The following PLCB1 variants were observed in gnomAD, a reference collection of about 807,000 sequenced individuals.
PLCB1 encodes 1-phosphatidylinositol 4,5-bisphosphate phosphodiesterase beta-1.
In PLCB1, 46 loss-of-function variants were observed where a neutral mutation model predicts 161.8. The ratio of observed to expected loss-of-function variants is 0.28; its 90% CI spans 0.22 to 0.36. The LOEUF is 0.36. PLCB1 is among the 10% of genes least tolerant of loss of function. PLCB1 has a pLI of 1.00. For synonymous variants in PLCB1, 517 were observed against 503.7 expected, an observed-to-expected ratio of 1.03 and a Z score of -0.35; for missense variants, 1,016 against 1,472.5, an observed-to-expected ratio of 0.69 and a Z score of 5.07.
intron 31 of PLCB1, among the ~76,000 whole-genome samples, chr20:8,804,407 TGTTA>T (rs1984426246): frequency 2.3e-5 from 3 of 130,430 alleles, no homozygotes; most frequent in Admixed American, 1.7e-4. Context: ...TTAATCATAT[TGTTA>T]GTTTGTTTGG....
chr20:8,728,997 T>G, intron 17 of PLCB1, 53 bp from the exon 18 acceptor site: 1 of 1,300,986 alleles, frequency 7.7e-7, no homozygotes, highest in Non-Finnish European at 1.0e-6. Flanking sequence ...TTAGTTACTA[T>G]TATTGACTAA....
At chr20:8,268,747 T>A (rs1456308863) in intron 2 of PLCB1, among the ~76,000 whole-genome samples, 1 of 152,238 alleles carries the variant, frequency 6.6e-6, no homozygotes, top group Non-Finnish European at 1.5e-5. Context: ...ATGTGTCTGT[T>A]GGCTGCATAA....
At chr20:8,741,861 C>T (rs986164054) in intron 23 of PLCB1, among the ~76,000 whole-genome samples, 4 of 152,200 alleles carry the variant, frequency 2.6e-5, no homozygotes, top group African/African-American at 9.7e-5. Context: ...TGATTCCATG[C>T]TAATTAAAGG....
intron 3 of PLCB1, among the ~76,000 whole-genome samples, chr20:8,407,340 CA>C (rs1049639988): frequency 6.6e-6 from 1 of 152,136 alleles, no homozygotes; most frequent in Admixed American, 6.5e-5. Context: ...GTAACTTTCT[CA>C]GTGGAGAAAC....
chr20:8,640,162 C>T (rs1387641082), intron 4 of PLCB1, among the ~76,000 whole-genome samples: 4 of 152,146 alleles, frequency 2.6e-5, no homozygotes, highest in Non-Finnish European at 4.4e-5. Context: ...TATATTTCAG[C>T]AGAATTCTGT....
At chr20:8,791,468 A>C (rs1033166209) in intron 31 of PLCB1, among the ~76,000 whole-genome samples, 1 of 152,308 alleles carries the variant, frequency 6.6e-6, no homozygotes, top group Non-Finnish European at 1.5e-5. Context: ...TTTAATAATA[A>C]TCAGTCTCAG....
intron 1 of PLCB1, among the ~76,000 whole-genome samples, chr20:8,147,607 T>A (rs894727883): frequency 6.6e-6 from 1 of 152,184 alleles, no homozygotes; most frequent in African/African-American, 2.4e-5. Flanking sequence ...ATTCATATAT[T>A]TCTGGGTCAG....
chr20:8,385,450 G>A (rs920691824), intron 3 of PLCB1, among the ~76,000 whole-genome samples: 2 of 152,234 alleles, frequency 1.3e-5, no homozygotes, highest in African/African-American at 2.4e-5. Flanking sequence ...AGCTTAGCGT[G>A]ACAGGCAGTT....
chr20:8,163,564 C>A (rs1454673708), intron 2 of PLCB1, among the ~76,000 whole-genome samples: 2 of 152,216 alleles, frequency 1.3e-5, no homozygotes, highest in African/African-American at 2.4e-5. Flanking sequence ...CATTCACGAA[C>A]AGTTCTTGCT....
Position 8,134,851 on chromosome 20 carries a change from G to A in PLCB1, c.99+2101G>A, listed in dbSNP as rs115070037. On this transcript the variant is annotated intron_variant, in intron 1 of 31. Transcript: ENST00000338037. ...ATAGTCACTAAGGAGAAGACCAGAA[G>A]AATTTCAGGTCTTTTTTAAAAAAAA... 4.3e-3 allele frequency among the ~76,000 whole-genome samples: 637 copies of A among 148,988 alleles called. 7 individuals are homozygous for A. Among genetic ancestry groups the A allele is most frequent in the African/African-American group, 0.015 (600 of 40,478 alleles).
intron 3 of PLCB1, among the ~76,000 whole-genome samples, chr20:8,615,422 T>A (rs1442616865): frequency 1.3e-5 from 2 of 152,160 alleles, no homozygotes; most frequent in African/African-American, 4.8e-5. Flanking sequence ...TCACAAAACA[T>A]AATAGCTTTA....
chr20:8,827,787 C>T (rs4816091), intron 31 of PLCB1, among the ~76,000 whole-genome samples: 46,689 of 152,124 alleles, frequency 0.31, 8,186 homozygotes, highest in East Asian at 0.61. Context: ...AATAATCAAA[C>T]GAAGAAGAAT....
chr20:8,677,679 G>A (rs1990119041), intron 9 of PLCB1, among the ~76,000 whole-genome samples: 1 of 151,986 alleles, frequency 6.6e-6, no homozygotes, highest in Non-Finnish European at 1.5e-5. Context: ...GAATCACAAA[G>A]TCTTCAAACC....
intron 7 of PLCB1, among the ~76,000 whole-genome samples, chr20:8,650,632 C>G (rs1429199575): frequency 6.6e-6 from 1 of 152,212 alleles, no homozygotes; most frequent in Non-Finnish European, 1.5e-5. Flanking sequence ...AGAACCCTCG[C>G]AGGCTAAGCC....
chr20:8,212,630 AC>A (rs1978886812), intron 2 of PLCB1, among the ~76,000 whole-genome samples: 1 of 152,146 alleles, frequency 6.6e-6, no homozygotes, highest in Admixed American at 6.6e-5. Context: ...ACGTAGGCAT[AC>A]AAAACGCAAA....
At chr20:8,497,993 T>A (rs1983246342) in intron 3 of PLCB1, among the ~76,000 whole-genome samples, 1 of 152,352 alleles carries the variant, frequency 6.6e-6, no homozygotes, top group African/African-American at 2.4e-5. Context: ...CAAATATCTT[T>A]TTGTTTCTTG....
At chr20:8,719,935 C>T (rs1415268314) in intron 14 of PLCB1, among the ~76,000 whole-genome samples, 2 of 151,946 alleles carry the variant, frequency 1.3e-5, no homozygotes, top group South Asian at 2.1e-4. Context: ...TTTATTGTTT[C>T]GATTAAAATC....
intron 2 of PLCB1, among the ~76,000 whole-genome samples, chr20:8,341,056 C>T (rs1785875925): frequency 6.6e-6 from 1 of 152,174 alleles, no homozygotes; most frequent in Non-Finnish European, 1.5e-5. Flanking sequence ...TTGGGTATCA[C>T]AAGCCTACAT....
rs538500888 is a variant in PLCB1, at chr20:8,475,859, A to G, written c.246+104409A>G. On this transcript the variant is annotated intron_variant, in intron 3 of 31. Coordinates refer to ENST00000338037, the MANE Select transcript of PLCB1 (RefSeq NM_015192.4). ...AGAGTATATGCTATTTTGTATTACT[A>G]TTTCCATAACTTCCAATCATGCACA... Among the ~76,000 whole-genome samples the G allele has an allele frequency of 1.1e-4, 16 of 152,332 alleles. No individual in the cohort carries two copies. In the East Asian group the frequency reaches 1.4e-3, roughly 13 times the overall value.
Sources: gnomAD v4.1 joint callset for allele counts (sites outside exome capture counted in the v4.1 genomes callset) on GRCh38, gnomAD v4.1.1 for gene constraint, MANE v1.5 for transcripts, NCBI Gene and HGNC (gene_info 2026-07-23, HGNC 2026-07-21) for gene names.